Variants in SDK1 observed in about 807,000 individuals in gnomAD.
SDK1 encodes the protein protein sidekick-1.
In SDK1, 157 loss-of-function variants were observed where a neutral mutation model predicts 245.5. That is an observed-to-expected ratio of 0.64 (90% confidence interval 0.56 to 0.73). The LOEUF is 0.73. SDK1 is among the 30% of genes least tolerant of loss of function. The pLI, the probability that SDK1 is intolerant of heterozygous loss-of-function variation, is 0.00. For synonymous variants in SDK1, 1,647 were observed against 1,278.5 expected (o/e 1.29, Z -6.15); for missense variants, 3,583 against 3,002.3 (o/e 1.19, Z -4.52).
At chr7:3,580,575 A>T (rs1780446430) in intron 1 of SDK1, among the ~76,000 whole-genome samples, 2 of 152,216 alleles carry the variant, frequency 1.3e-5, no homozygotes, top group South Asian at 2.1e-4. Flanking sequence ...TGGTGCTGGG[A>T]TAACTGACTA....
intron 22 of SDK1, among the ~76,000 whole-genome samples, chr7:4,089,179 C>A (rs774506059): frequency 2.0e-4 from 30 of 151,864 alleles, no homozygotes; most frequent in Non-Finnish European, 3.7e-4. Flanking sequence ...TCGTGGGCAT[C>A]TGCAGGATGA....
intron 35 of SDK1, among the ~76,000 whole-genome samples, chr7:4,205,561 C>T (rs555953608): frequency 6.6e-6 from 1 of 152,304 alleles, no homozygotes; most frequent in African/African-American, 2.4e-5. Context: ...AAATACTCTG[C>T]TAACTGTATC....
Position 3,987,159 on chromosome 7 carries a change from T to C in SDK1, c.1995-27T>C, listed in dbSNP as rs750987479. On this transcript the variant is annotated intron_variant, in intron 13 of 44. Transcript: ENST00000404826. ...GGATTCTGACATGTGTTTTCCTCTT[T>C]TTCCTTTTCATCCCATTCAATTCAA... 39 of 1,613,172 alleles carry C rather than the reference T, an allele frequency of 2.4e-5. No individual in the cohort carries two copies. In the South Asian group the frequency reaches 3.4e-4, roughly 14 times the overall value.
intron 17 of SDK1, among the ~76,000 whole-genome samples, chr7:4,022,918 C>T (rs1035738977): frequency 6.6e-6 from 1 of 151,792 alleles, no homozygotes; most frequent in African/African-American, 2.4e-5. Context: ...GGACCACAGG[C>T]GCCCGCCAAC....
At chr7:3,593,092 A>G (rs540794178) in intron 1 of SDK1, among the ~76,000 whole-genome samples, 1 of 152,282 alleles carries the variant, frequency 6.6e-6, no homozygotes, top group African/African-American at 2.4e-5. Context: ...CTAATGGGGA[A>G]CATATTTAAC....
chr7:4,211,638 C>CTTGCTCTGTCTCCCAGGCTGA (rs1377432970), intron 38 of SDK1, among the ~76,000 whole-genome samples: 2 of 152,136 alleles, frequency 1.3e-5, no homozygotes, highest in Non-Finnish European at 2.9e-5. Flanking sequence ...GAGACGGAGT[C>CTTGCTCTGTCTCCCAGGCTGA]TTGCTCTGTC....
At chr7:3,306,574 T>C (rs1388505387) in intron 1 of SDK1, among the ~76,000 whole-genome samples, 3 of 152,224 alleles carry the variant, frequency 2.0e-5, no homozygotes, top group Non-Finnish European at 4.4e-5. Flanking sequence ...AAGTTTAGGC[T>C]ATACTGGGGT....
intron 1 of SDK1, among the ~76,000 whole-genome samples, chr7:3,498,478 A>T (rs1487650062): frequency 6.6e-6 from 1 of 152,204 alleles, no homozygotes; most frequent in Non-Finnish European, 1.5e-5. Context: ...GTATTAAATG[A>T]TACATGTTAA....
chr7:3,540,217 G>T (rs1779014337), intron 1 of SDK1, among the ~76,000 whole-genome samples: 1 of 152,174 alleles, frequency 6.6e-6, no homozygotes, highest in Admixed American at 6.5e-5. Flanking sequence ...GACCAGCCTG[G>T]CCAACATGAC....
chr7:3,775,434 T>A (rs558762135), intron 4 of SDK1, among the ~76,000 whole-genome samples: 46 of 152,104 alleles, frequency 3.0e-4, no homozygotes, highest in African/African-American at 9.1e-4. Context: ...TTATTTTATT[T>A]TTTTTTTTCT....
chr7:3,810,997 C>T (rs1240982684), intron 4 of SDK1, among the ~76,000 whole-genome samples: 1 of 152,136 alleles, frequency 6.6e-6, no homozygotes, highest in African/African-American at 2.4e-5. Context: ...AGCCTATTAA[C>T]TAAAACTCTA....
intron 16 of SDK1, among the ~76,000 whole-genome samples, chr7:4,014,036 A>G (rs868503490): frequency 6.6e-6 from 1 of 152,164 alleles, no homozygotes; most frequent in Non-Finnish European, 1.5e-5. Flanking sequence ...TGCCTTAGCC[A>G]TTACCTCTCA....
At chr7:3,946,949 A>C (rs1425696391) in intron 5 of SDK1, among the ~76,000 whole-genome samples, 1 of 152,206 alleles carries the variant, frequency 6.6e-6, no homozygotes, top group South Asian at 2.1e-4. Flanking sequence ...CCTTTGTGCT[A>C]ATATTTAACT....
At chr7:3,973,387 A>G (rs1222718431) in intron 12 of SDK1, among the ~76,000 whole-genome samples, 1 of 152,244 alleles carries the variant, frequency 6.6e-6, no homozygotes, top group Non-Finnish European at 1.5e-5. Context: ...CTTTCATTCC[A>G]TATAGCAATG....
At chr7:4,107,988 T>C (rs1300328256) in intron 22 of SDK1, among the ~76,000 whole-genome samples, 1 of 152,214 alleles carries the variant, frequency 6.6e-6, no homozygotes, top group Non-Finnish European at 1.5e-5. Flanking sequence ...TCCTAGCTTA[T>C]GGGTGGGCCC....
intron 5 of SDK1, among the ~76,000 whole-genome samples, chr7:3,913,274 CCTTT>C (rs1164710402): frequency 6.6e-6 from 1 of 151,764 alleles, no homozygotes; most frequent in East Asian, 1.9e-4. Flanking sequence ...CCTCCTCTGA[CCTTT>C]CTCTTACACT....
At chr7:3,783,588 AG>A (rs906537577) in intron 4 of SDK1, among the ~76,000 whole-genome samples, 3 of 152,338 alleles carry the variant, frequency 2.0e-5, no homozygotes, top group Admixed American at 6.5e-5. Flanking sequence ...ACTATCTAAA[AG>A]GTTATCAAGG....
chr7:3,363,711 G>A (rs1583747266), intron 1 of SDK1, among the ~76,000 whole-genome samples: 1 of 152,122 alleles, frequency 6.6e-6, no homozygotes, highest in South Asian at 2.1e-4. Flanking sequence ...TTCACAGTAG[G>A]GTTTGTGCTC....
At chr7:3,325,036 A>G (rs1779908214) in intron 1 of SDK1, among the ~76,000 whole-genome samples, 1 of 152,072 alleles carries the variant, frequency 6.6e-6, no homozygotes, top group Non-Finnish European at 1.5e-5. Flanking sequence ...TTTCTCTGGA[A>G]CTGCATTTAT....
Sources: allele counts gnomAD v4.1 joint callset (sites outside exome capture counted in the v4.1 genomes callset), GRCh38; gene constraint gnomAD v4.1.1; transcripts MANE v1.5; gene names NCBI Gene and HGNC (gene_info 2026-07-23, HGNC 2026-07-21).